GPHN: variants seen among roughly 807,000 people sequenced by gnomAD.
GPHN encodes gephyrin.
GPHN carries 17 observed loss-of-function variants against 95.5 expected under a neutral mutation model. The observed-to-expected ratio is 0.18, with a 90% CI of 0.12 to 0.27. The LOEUF (loss-of-function observed/expected upper bound fraction) is 0.27. Ranked by LOEUF, GPHN falls within the 10% of genes least tolerant of loss-of-function variation. GPHN has a pLI of 1.00. For synonymous variants in GPHN, 320 were observed against 322.5 expected (o/e 0.99, Z 0.08); for missense variants, 660 against 978.1 (o/e 0.67, Z 4.34).
the GPHN span, among the ~76,000 whole-genome samples, chr14:67,262,451 T>G: frequency 6.6e-6 from 1 of 152,210 alleles, no homozygotes; most frequent in African/African-American, 2.4e-5. Flanking sequence ...TACTCAGTAT[T>G]TTAAAACTCT....
At chr14:67,630,731 A>C in the GPHN span, among the ~76,000 whole-genome samples, 1 of 152,080 alleles carries the variant, frequency 6.6e-6, no homozygotes, top group Non-Finnish European at 1.5e-5. Context: ...GGCAGCTGCC[A>C]CTGTGCCCAG....
At chr14:67,645,719 G>T in the GPHN span, 1 of 1,614,016 alleles carries the variant, frequency 6.2e-7, no homozygotes, top group Non-Finnish European at 8.5e-7. Flanking sequence ...TGCCCATGCT[G>T]ACATCAACAC....
chr14:66,804,631 T>C (rs956506683), intron 3 of GPHN, among the ~76,000 whole-genome samples: 4 of 152,212 alleles, frequency 2.6e-5, no homozygotes, highest in Admixed American at 2.6e-4. Context: ...AGTCAGCCTA[T>C]GTCCAAAATC....
At chr14:67,271,590 A>G in the GPHN span, 1 of 152,260 alleles carries the variant, frequency 6.6e-6, no homozygotes, top group South Asian at 2.1e-4. Context: ...GTAGGCAAAG[A>G]TCAGATCCTA....
At chr14:66,699,342 A>G (rs2068348054) in intron 2 of GPHN, among the ~76,000 whole-genome samples, 1 of 151,990 alleles carries the variant, frequency 6.6e-6, no homozygotes, top group Non-Finnish European at 1.5e-5. Context: ...CTAAAACTTA[A>G]AGTATAATAA....
intron 2 of GPHN, among the ~76,000 whole-genome samples, chr14:66,709,862 G>A (rs1450789921): frequency 6.6e-6 from 1 of 152,032 alleles, no homozygotes; most frequent in East Asian, 1.9e-4. Flanking sequence ...ACTTAGTAAG[G>A]AGAAGACAAT....
chr14:67,151,174 G>A (rs552556419), intron 18 of GPHN, among the ~76,000 whole-genome samples: 2 of 152,122 alleles, frequency 1.3e-5, no homozygotes, highest in Admixed American at 6.5e-5. Flanking sequence ...TTACAGACAC[G>A]TGAACACACA....
chr14:67,593,978 G>T, the GPHN span: 1 of 1,509,278 alleles, frequency 6.6e-7, no homozygotes, highest in Admixed American at 1.8e-5. Context: ...GACACAGACA[G>T]TAAGATTACC....
chr14:66,627,070 GAT>G (rs1412328788), intron 1 of GPHN, among the ~76,000 whole-genome samples: 1 of 151,922 alleles, frequency 6.6e-6, no homozygotes, highest in Non-Finnish European at 1.5e-5. Context: ...ATAGAGGATA[GAT>G]AGCAATATAT....
chr14:66,960,502 G>C (rs949468527), intron 8 of GPHN, among the ~76,000 whole-genome samples: 1 of 151,654 alleles, frequency 6.6e-6, no homozygotes, highest in South Asian at 2.1e-4. Flanking sequence ...TTTCTTTGTT[G>C]TGCATAACCT....
chr14:66,597,041 G>T (rs1199961706), intron 1 of GPHN, among the ~76,000 whole-genome samples: 1 of 152,176 alleles, frequency 6.6e-6, no homozygotes, highest in Non-Finnish European at 1.5e-5. Flanking sequence ...ACTGCTTCAT[G>T]CTGACAGGGG....
chr14:67,670,470 C>A, the GPHN span, among the ~76,000 whole-genome samples: 1 of 152,126 alleles, frequency 6.6e-6, no homozygotes, highest in Non-Finnish European at 1.5e-5. Context: ...TTTTTTGAAG[C>A]TTCCCCCTCT....
At chr14:66,934,764 T>C (rs147257608) in intron 8 of GPHN, among the ~76,000 whole-genome samples, 1,831 of 152,294 alleles carry the variant, frequency 0.012, 19 homozygotes, top group Non-Finnish European at 0.018. Context: ...CCCAGTAACA[T>C]TTTGTGAACC....
chr14:67,593,827 T>G, the GPHN span: 1 of 1,613,236 alleles, frequency 6.2e-7, no homozygotes. Flanking sequence ...AAGCATAAGA[T>G]GAAGTCATCT....
At chr14:66,627,842 G>A (rs190785984) in intron 1 of GPHN, among the ~76,000 whole-genome samples, 2 of 152,132 alleles carry the variant, frequency 1.3e-5, no homozygotes, top group Admixed American at 6.5e-5. Flanking sequence ...TAATAATGGT[G>A]TGCTTCTAAT....
chr14:66,934,473 A>C (rs1166191849), intron 8 of GPHN, among the ~76,000 whole-genome samples: 1 of 152,244 alleles, frequency 6.6e-6, no homozygotes, highest in Non-Finnish European at 1.5e-5. Flanking sequence ...CCTCCAGTGT[A>C]GGTTGTCTTA....
At chr14:67,650,014 A>C in the GPHN span, 6 of 152,314 alleles carry the variant, frequency 3.9e-5, no homozygotes, top group African/African-American at 1.4e-4. Flanking sequence ...GAACTTTGAC[A>C]CAAGTTCTCA....
chr14:67,289,607 C>T, the GPHN span, among the ~76,000 whole-genome samples: 9 of 151,950 alleles, frequency 5.9e-5, no homozygotes, highest in South Asian at 6.2e-4. Flanking sequence ...GGAAAGATAG[C>T]GAACCTCAAG....
the GPHN span, chr14:67,616,608 T>G: frequency 6.6e-6 from 1 of 151,984 alleles, no homozygotes; most frequent in African/African-American, 2.4e-5. Flanking sequence ...TAAATAATAA[T>G]TTGAATTGTT....
Sources: gnomAD v4.1 joint callset for allele counts (sites outside exome capture counted in the v4.1 genomes callset) on GRCh38, gnomAD v4.1.1 for gene constraint, MANE v1.5 for transcripts, NCBI Gene and HGNC (gene_info 2026-07-23, HGNC 2026-07-21) for gene names.